Variants in CCNY observed in about 807,000 individuals in gnomAD.
CCNY encodes the protein cyclin-Y.
CCNY carries 19 observed loss-of-function variants against 42.8 expected under a neutral mutation model. The observed-to-expected ratio is 0.44, with a 90% CI of 0.31 to 0.65. The LOEUF is 0.65. Ranked by LOEUF, CCNY falls within the 30% of genes least tolerant of loss-of-function variation. The pLI is 0.07. For synonymous variants in CCNY, 165 were observed against 162.7 expected (o/e 1.01, Z -0.11); for missense variants, 370 against 437.3 (o/e 0.85, Z 1.37).
intron 1 of CCNY, among the ~76,000 whole-genome samples, chr10:35,349,073 C>T (rs1049200282): frequency 6.6e-6 from 1 of 152,082 alleles, no homozygotes; most frequent in African/African-American, 2.4e-5. Flanking sequence ...TAGAGGGCCG[C>T]CTTTTTGTGT....
Position 35,295,436 on chromosome 10 carries a change from T to C in CCNY, c.-9+44810T>C, listed in dbSNP as rs1835460462. ...TAGCAGAGACAGGGTTTCTCCATGT[T>C]GGTCAGGCTGGTCTTGAACTCCGAA... is the stretch of plus-strand genomic sequence containing the variant. On this transcript the variant is annotated intron_variant, in intron 3 of 11. Transcript: ENST00000374706. Among the ~76,000 whole-genome samples, 4 of 152,072 alleles carry C rather than the reference T, an allele frequency of 2.6e-5. No homozygotes were observed. The South Asian group carries it at 8.3e-4, about 32-fold the overall frequency.
At chr10:35,487,721 A>G (rs1165396020) in intron 2 of CCNY, among the ~76,000 whole-genome samples, 2 of 152,214 alleles carry the variant, frequency 1.3e-5, no homozygotes, top group South Asian at 2.1e-4. Flanking sequence ...AGGTAAGGGT[A>G]TTTTATCCAA....
intron 2 of CCNY, among the ~76,000 whole-genome samples, chr10:35,489,240 G>T (rs112058876): frequency 0.01 from 1,585 of 152,294 alleles, 24 homozygotes; most frequent in African/African-American, 0.036. Flanking sequence ...GCCTCTATGG[G>T]TTGATATTAC....
chr10:35,557,517 G>A (rs1013873507), intron 8 of CCNY, among the ~76,000 whole-genome samples: 52 of 152,282 alleles, frequency 3.4e-4, no homozygotes, highest in African/African-American at 1.2e-3. Context: ...AACACTTTGG[G>A]AGGCCGAGGT....
intron 1 of CCNY, among the ~76,000 whole-genome samples, chr10:35,480,478 C>T (rs2135362747): frequency 6.6e-6 from 1 of 152,264 alleles, no homozygotes; most frequent in East Asian, 1.9e-4. Context: ...GGTCAGTTTT[C>T]ACCCTGAGCT....
chr10:35,497,055 C>T (rs552038433), intron 2 of CCNY, among the ~76,000 whole-genome samples: 1 of 152,354 alleles, frequency 6.6e-6, no homozygotes, highest in Non-Finnish European at 1.5e-5. Flanking sequence ...TAAAAATCCT[C>T]TTAACTATCA....
chr10:35,476,291 A>G (rs1029479249), intron 1 of CCNY, among the ~76,000 whole-genome samples: 24 of 152,146 alleles, frequency 1.6e-4, no homozygotes, highest in Admixed American at 3.3e-4. Flanking sequence ...GACCTAATAG[A>G]CATCTACAGA....
intron 7 of CCNY, among the ~76,000 whole-genome samples, chr10:35,535,368 G>A (rs1840863979): frequency 6.6e-6 from 1 of 151,982 alleles, no homozygotes; most frequent in Non-Finnish European, 1.5e-5. Context: ...CAAACCTTCT[G>A]GTGGCAGGTG....
At chr10:35,516,661 C>A (rs12765518) in intron 4 of CCNY, 38 bp downstream of exon 4, 23 of 327,596 alleles carry the variant, frequency 7.0e-5, no homozygotes, top group Admixed American at 1.5e-4. Flanking sequence ...TCCTTCCTTC[C>A]TTTTTTTTTT....
chr10:35,355,802 A>G (rs1422446747), intron 1 of CCNY, among the ~76,000 whole-genome samples: 2 of 151,092 alleles, frequency 1.3e-5, no homozygotes, highest in African/African-American at 2.4e-5. Flanking sequence ...TGATTATCGT[A>G]AGTACTATTT....
At chr10:35,419,650 G>C (rs1336394415) in intron 1 of CCNY, among the ~76,000 whole-genome samples, 1 of 151,792 alleles carries the variant, frequency 6.6e-6, no homozygotes, top group Non-Finnish European at 1.5e-5. Flanking sequence ...TAGATATACA[G>C]CTCATTTTAG....
In CCNY at chr10:35,475,183, G is replaced by T. The variant is rs1383689457; in HGVS notation, c.155-8221G>T. 4.6e-5 allele frequency among the ~76,000 whole-genome samples: 7 copies of T among 152,024 alleles called. No individual in the cohort carries two copies. In the East Asian group the frequency reaches 7.7e-4, roughly 17 times the overall value. ...CTGATTGGTGTACCTGAAAGTGATG[G>T]GGAGAATGGAACCAAGTTGGAAAAC... On this transcript the variant is annotated intron_variant, in intron 1 of 9. Coordinates refer to ENST00000374704, the MANE Select transcript of CCNY (RefSeq NM_145012.6).
intron 3 of CCNY, among the ~76,000 whole-genome samples, chr10:35,312,802 A>T (rs1835705560): frequency 2.4e-5 from 3 of 122,652 alleles, no homozygotes; most frequent in South Asian, 5.1e-4. Flanking sequence ...CCCATGCTGG[A>T]GTTCAGTGGT....
At chr10:35,410,901 C>T (rs1303377362) in intron 1 of CCNY, among the ~76,000 whole-genome samples, 1 of 152,142 alleles carries the variant, frequency 6.6e-6, no homozygotes, top group African/African-American at 2.4e-5. Flanking sequence ...TGCTAGTATA[C>T]TTGGTGTTGT....
chr10:35,347,237 G>T, intron 1 of CCNY, among the ~76,000 whole-genome samples: 1 of 152,216 alleles, frequency 6.6e-6, no homozygotes, highest in East Asian at 1.9e-4. Context: ...GCAGAGATGT[G>T]TGAGCAGCTT....
intron 3 of CCNY, among the ~76,000 whole-genome samples, chr10:35,303,667 C>T (rs1835565404): frequency 6.7e-6 from 1 of 149,736 alleles, no homozygotes; most frequent in Non-Finnish European, 1.5e-5. Flanking sequence ...ATCCCAGCTA[C>T]TCAGGAGGCT....
chr10:35,499,922 T>G (rs1353264378), intron 2 of CCNY, among the ~76,000 whole-genome samples: 1 of 152,262 alleles, frequency 6.6e-6, no homozygotes, highest in Admixed American at 6.5e-5. Flanking sequence ...AATTCACACA[T>G]GTGCATGCAC....
Position 35,291,155 on chromosome 10 carries a change from G to A in CCNY, c.-9+40529G>A, listed in dbSNP as rs7923193. On this transcript the variant is annotated intron_variant, in intron 3 of 11. Coordinates refer to the CCNY transcript ENST00000374706. ...TGAGTAGCTGGGATGACAAGCACCC[G>A]CCACCACGCCCAGCTAATTTTTTGT... Among the ~76,000 whole-genome samples, 567 of 151,922 alleles carry A rather than the reference G, an allele frequency of 3.7e-3. 1 individual carries two copies. Among genetic ancestry groups the A allele is most frequent in the African/African-American group, 0.013 (544 of 41,464 alleles).
intron 1 of CCNY, among the ~76,000 whole-genome samples, chr10:35,407,860 C>T (rs527739169): frequency 1.3e-5 from 2 of 152,194 alleles, no homozygotes; most frequent in Non-Finnish European, 2.9e-5. Flanking sequence ...GATGAATGAC[C>T]AAGGCAGACG....
Sources: allele counts gnomAD v4.1 joint callset (sites outside exome capture counted in the v4.1 genomes callset), GRCh38; gene constraint gnomAD v4.1.1; transcripts MANE v1.5; gene names NCBI Gene and HGNC (gene_info 2026-07-23, HGNC 2026-07-21).